Variants in UNC79 observed in about 807,000 individuals in gnomAD.
UNC79 encodes protein unc-79 homolog.
UNC79 carries 37 observed loss-of-function variants against 283.1 expected under a neutral mutation model. The observed-to-expected ratio is 0.13, with a 90% CI of 0.10 to 0.17. The LOEUF is 0.17. UNC79 is among the 10% of genes least tolerant of loss of function. UNC79 has a pLI of 1.00. For synonymous variants in UNC79, 1,107 were observed against 1,200.2 expected, an observed-to-expected ratio of 0.92 and a Z score of 1.61; for missense variants, 2,272 against 3,211.1, an observed-to-expected ratio of 0.71 and a Z score of 7.07.
chr14:93,589,237 T>C (rs1012112033), intron 22 of UNC79, among the ~76,000 whole-genome samples: 9 of 151,964 alleles, frequency 5.9e-5, no homozygotes, highest in Non-Finnish European at 1.3e-4. Context: ...CGAGAGCAAA[T>C]GGGCAAAGGG....
intron 5 of UNC79, among the ~76,000 whole-genome samples, chr14:93,492,424 G>T (rs969891288): frequency 6.6e-6 from 1 of 152,174 alleles, no homozygotes; most frequent in Non-Finnish European, 1.5e-5. Context: ...CAGTGGCACG[G>T]CTCACTGCAA....
At chr14:93,404,340 A>AAG (rs1029125075) in intron 1 of UNC79, among the ~76,000 whole-genome samples, 4 of 148,356 alleles carry the variant, frequency 2.7e-5, no homozygotes, top group Non-Finnish European at 6.0e-5. Context: ...AAAAAAAAAA[A>AAG]TTAGCCAGGC....
chr14:93,683,530 G>T (rs2074006345), intron 42 of UNC79, among the ~76,000 whole-genome samples: 1 of 152,156 alleles, frequency 6.6e-6, no homozygotes, highest in South Asian at 2.1e-4. Context: ...GGAGTGGCTA[G>T]CCAGTCTCTG....
intron 1 of UNC79, among the ~76,000 whole-genome samples, chr14:93,363,527 C>A (rs566269726): frequency 5.0e-4 from 76 of 152,172 alleles, no homozygotes; most frequent in African/African-American, 1.8e-3. Context: ...TGTTAGTTTT[C>A]TGCTTTGAAG....
intron 1 of UNC79, among the ~76,000 whole-genome samples, chr14:93,377,568 G>A (rs1051307456): frequency 6.6e-6 from 1 of 152,158 alleles, no homozygotes; most frequent in African/African-American, 2.4e-5. Context: ...CAAATGTTGT[G>A]TTATATAAAG....
At chr14:93,632,524 C>A (rs1367907173) in intron 31 of UNC79, among the ~76,000 whole-genome samples, 1 of 151,952 alleles carries the variant, frequency 6.6e-6, no homozygotes, top group Non-Finnish European at 1.5e-5. Flanking sequence ...CATAGTGAGG[C>A]CCCAGTCTCT....
At chr14:93,691,165 G>C (rs1247268005) in intron 45 of UNC79, 1 of 157,994 alleles carries the variant, frequency 6.3e-6, no homozygotes, top group African/African-American at 2.4e-5. Flanking sequence ...CTATTATTCA[G>C]ATTTTCATCT....
chr14:93,574,942 A>C (rs1341692757), intron 16 of UNC79, 116 bp from the exon 17 acceptor site: 1 of 1,118,700 alleles, frequency 8.9e-7, no homozygotes, highest in Non-Finnish European at 1.3e-6. Flanking sequence ...AATACGTGTA[A>C]GGCTAATTAT....
intron 41 of UNC79, among the ~76,000 whole-genome samples, chr14:93,681,169 C>T (rs986008614): frequency 2.0e-5 from 3 of 152,174 alleles, no homozygotes; most frequent in Non-Finnish European, 2.9e-5. Flanking sequence ...GTATTTGAGG[C>T]AAATGGAAAT....
In UNC79 at chr14:93,408,699, A is replaced by C. The variant is rs200102492; in HGVS notation, c.-350-58972A>C. Among the ~76,000 whole-genome samples the C allele has an allele frequency of 4.6e-5, 7 of 152,218 alleles. No individual in the cohort carries two copies. The East Asian group carries it at 5.8e-4, about 13-fold the overall frequency. On this transcript the variant is annotated intron_variant, in intron 1 of 49. Coordinates refer to the UNC79 transcript ENST00000256339. ...AGAGTGAGATCTTGTCTTAAAAAAA[A>C]CCCACAAAGTGTAAAAATAAAAATA...
At chr14:93,576,996 A>G (rs553606694) in intron 17 of UNC79, among the ~76,000 whole-genome samples, 2 of 127,342 alleles carry the variant, frequency 1.6e-5, no homozygotes, top group East Asian at 5.9e-4. Context: ...AAAATTTTCA[A>G]AAACTTAGCT....
At chr14:93,357,792 T>TGG (rs2054129753) in intron 1 of UNC79, among the ~76,000 whole-genome samples, 2 of 131,054 alleles carry the variant, frequency 1.5e-5, no homozygotes, top group African/African-American at 2.7e-5. Flanking sequence ...TATGGATATA[T>TGG]ATATATGGAT....
rs572084831 is a variant in UNC79 at position 93,562,847 on chromosome 14, C to T, written c.1756-9047C>T. Among the ~76,000 whole-genome samples, 5 of 152,226 alleles carry T rather than the reference C, an allele frequency of 3.3e-5. No individual in the cohort carries two copies. The South Asian group carries it at 6.2e-4, about 19-fold the overall frequency. On this transcript the variant is annotated intron_variant, in intron 14 of 48. Coordinates refer to ENST00000555664, the Ensembl canonical transcript of UNC79. ...CAAGAGGTATTTTAGTTTCCTGACT[C>T]GGGGCATGTGAGTAAAGTCAATTTG...
At chr14:93,679,578 G>A (rs1374000472) in intron 41 of UNC79, among the ~76,000 whole-genome samples, 1 of 152,202 alleles carries the variant, frequency 6.6e-6, no homozygotes, top group Non-Finnish European at 1.5e-5. Flanking sequence ...TTAAAGATGT[G>A]TTCGTTGTGG....
chr14:93,572,676 G>A lies in UNC79; in HGVS notation c.1947-17G>A, dbSNP rs968451008. The A allele has an allele frequency of 4.3e-6, 7 of 1,613,498 alleles. No homozygotes were observed. In the African/African-American group the frequency reaches 6.7e-5, roughly 15 times the overall value. On this transcript the variant is annotated splice_polypyrimidine_tract_variant and intron_variant, in intron 15 of 48. Coordinates refer to ENST00000555664, the Ensembl canonical transcript of UNC79. ...CTATGCCCATTGGTCATTTACTTTT[G>A]TTGCTCTGCTTTCCAGCAAAATGTT... is the stretch of plus-strand genomic sequence containing the variant.
At chr14:93,600,353 T>C (rs981829236) in intron 24 of UNC79, among the ~76,000 whole-genome samples, 4 of 149,264 alleles carry the variant, frequency 2.7e-5, no homozygotes, top group African/African-American at 9.7e-5. Context: ...ATTCAAGAGA[T>C]ATTCTACAAG....
intron 31 of UNC79, 41 bp from the exon 35 acceptor site, chr14:93,637,175 G>T: frequency 1.1e-6 from 1 of 944,828 alleles, no homozygotes; most frequent in South Asian, 1.3e-5. Flanking sequence ...ATGGTGCTAA[G>T]ATGACCACAT....
intron 1 of UNC79, among the ~76,000 whole-genome samples, chr14:93,334,063 T>C (rs1489075359): frequency 2.0e-5 from 3 of 152,258 alleles, no homozygotes; most frequent in Non-Finnish European, 4.4e-5. Flanking sequence ...TCACACAGTT[T>C]TTTGTTGTTG....
rs150891807 is a variant in UNC79, at chr14:93,600,169, C to A, written c.3373-400C>A. Among the ~76,000 whole-genome samples, 948 of 152,294 alleles carry A rather than the reference C, an allele frequency of 6.2e-3. 8 individuals carry two copies. Among genetic ancestry groups the A allele is most frequent in the African/African-American group, 0.022 (898 of 41,560 alleles). On this transcript the variant is annotated intron_variant, in intron 24 of 48. Coordinates refer to ENST00000555664, the Ensembl canonical transcript of UNC79. ...GAGCTGAGATCCCATCACTGCACTCCAGCCTGGGCGACAGAGTGAGACTTC... is the reference window on the plus strand; with the variant it reads ...GAGCTGAGATCCCATCACTGCACTCAAGCCTGGGCGACAGAGTGAGACTTC...
Sources: gnomAD v4.1 joint callset for allele counts (sites outside exome capture counted in the v4.1 genomes callset) on GRCh38, gnomAD v4.1.1 for gene constraint, MANE v1.5 for transcripts, NCBI Gene and HGNC (gene_info 2026-07-23, HGNC 2026-07-21) for gene names.